The following TRIM2 variants were observed in gnomAD, a reference collection of about 807,000 sequenced individuals.
TRIM2 encodes the protein tripartite motif-containing protein 2.
A neutral mutation model predicts 75.2 loss-of-function variants in TRIM2; 20 were observed. The observed-to-expected ratio is 0.27, with a 90% CI of 0.19 to 0.39. TRIM2 has a LOEUF of 0.39. Among genes scored for constraint, TRIM2 ranks in the 10% least tolerant of loss-of-function variants. The probability of loss-of-function intolerance (pLI) is 1.00; values close to 1 mark genes in which losing one functional copy is unlikely to be tolerated. For missense variants in TRIM2, 660 were observed against 990.8 expected (o/e 0.67, Z 4.48); for synonymous variants, 373 against 388.3 (o/e 0.96, Z 0.46).
chr4:153,263,219 C>G (rs183706450), intron 1 of TRIM2, among the ~76,000 whole-genome samples: 1 of 152,148 alleles, frequency 6.6e-6, no homozygotes, highest in Admixed American at 6.5e-5. Context: ...GTCCCAGCTA[C>G]TTGGGAGGCT....
chr4:153,270,644 A>G (rs528004268), intron 2 of TRIM2, 125 bp downstream of exon 2: 1 of 825,596 alleles, frequency 1.2e-6, no homozygotes, highest in Non-Finnish European at 1.8e-6. Context: ...TGCTTCTGCC[A>G]GACATTGAAA....
intron 1 of TRIM2, among the ~76,000 whole-genome samples, chr4:153,249,182 G>A (rs1750122580): frequency 6.6e-6 from 1 of 152,264 alleles, no homozygotes; most frequent in African/African-American, 2.4e-5. Flanking sequence ...GGTTAGAAAA[G>A]GAAACCTAGA....
Position 153,314,377 on chromosome 4 carries a change from G to A in TRIM2, c.1511-1108G>A, listed in dbSNP as rs976429707. Among the ~76,000 whole-genome samples the A allele has an allele frequency of 1.1e-4, 14 of 125,238 alleles. No individual in the cohort carries two copies. In the East Asian group the frequency reaches 2.1e-3, roughly 19 times the overall value. The allele number at this position is 125,238 out of a possible 152,430, so 82.2% of individuals were successfully genotyped here. On this transcript the variant is annotated intron_variant, in intron 6 of 11. Coordinates refer to ENST00000338700, the MANE Select transcript of TRIM2 (RefSeq NM_015271.5). ...GGAGCTTGCAGTGAGCCGAGATCCC[G>A]CCACTGCACTCCAGCCTGGGCGACA...
intron 1 of TRIM2, among the ~76,000 whole-genome samples, chr4:153,260,202 C>A (rs1753045881): frequency 6.6e-6 from 1 of 152,078 alleles, no homozygotes; most frequent in African/African-American, 2.4e-5. Context: ...CCTTGCTGAC[C>A]TCTACCTTTT....
chr4:153,229,693 G>C (rs746938968), intron 1 of TRIM2, among the ~76,000 whole-genome samples: 1 of 152,206 alleles, frequency 6.6e-6, no homozygotes, highest in African/African-American at 2.4e-5. Flanking sequence ...GTAATAGAAG[G>C]AAGACAGATT....
chr4:153,260,700 CCACA>C (rs1185919053), intron 1 of TRIM2, among the ~76,000 whole-genome samples: 88 of 67,536 alleles, frequency 1.3e-3, no homozygotes, highest in African/African-American at 2.1e-3. Context: ...ACCCCCCCCC[CCACA>C]CACACACACA....
At chr4:153,154,747 A>C (rs1046944342) in intron 1 of TRIM2, among the ~76,000 whole-genome samples, 25 of 152,220 alleles carry the variant, frequency 1.6e-4, no homozygotes, top group African/African-American at 6.0e-4. Flanking sequence ...CCATATGGAC[A>C]CATATGGTCT....
intron 1 of TRIM2, chr4:153,157,178 A>G (rs1418380470): frequency 1.3e-5 from 2 of 152,248 alleles, no homozygotes; most frequent in Admixed American, 1.3e-4. Flanking sequence ...TGCACTGTAT[A>G]TAAATTAAAT....
In TRIM2 at chr4:153,339,076, C is replaced by T; in HGVS notation, c.*4110C>T. 1 of 984,998 alleles carries T rather than the reference C, an allele frequency of 1.0e-6. No individual in the cohort carries two copies. The allele number at this position is 984,998 out of a possible 1,614,324, so 61.0% of individuals were successfully genotyped here. Reference sequence around the variant, plus strand: ...TCTCTGACATTGATACTGATATATTCTCGTCATTTGTTCTTTTATGAATCA... The same window carrying T: ...TCTCTGACATTGATACTGATATATTTTCGTCATTTGTTCTTTTATGAATCA... On this transcript the variant is annotated 3_prime_UTR_variant, in exon 12 of 12. Transcript: ENST00000338700.
At chr4:153,182,341 C>T (rs1191057716) in intron 1 of TRIM2, among the ~76,000 whole-genome samples, 1 of 152,152 alleles carries the variant, frequency 6.6e-6, no homozygotes, top group Non-Finnish European at 1.5e-5. Flanking sequence ...TGTAATTGCC[C>T]ACAAATGGGA....
chr4:153,317,944 A>G (rs779858374), intron 8 of TRIM2, among the ~76,000 whole-genome samples: 2 of 152,242 alleles, frequency 1.3e-5, no homozygotes, highest in Non-Finnish European at 2.9e-5. Flanking sequence ...TAGGTGACAG[A>G]GTAAGACCCT....
intron 6 of TRIM2, among the ~76,000 whole-genome samples, chr4:153,311,893 C>T (rs1351963221): frequency 2.9e-5 from 2 of 69,192 alleles, no homozygotes; most frequent in Non-Finnish European, 6.3e-5. Context: ...AGTTTTTATT[C>T]TTTTATTTAT....
intron 1 of TRIM2, among the ~76,000 whole-genome samples, chr4:153,172,450 G>A (rs1254929142): frequency 6.6e-6 from 1 of 152,166 alleles, no homozygotes; most frequent in Non-Finnish European, 1.5e-5. Flanking sequence ...GCCTCCCAAA[G>A]TGCTGGGATT....
intron 10 of TRIM2, among the ~76,000 whole-genome samples, chr4:153,327,594 T>A (rs1173074555): frequency 6.6e-6 from 1 of 152,202 alleles, no homozygotes; most frequent in African/African-American, 2.4e-5. Flanking sequence ...TCAAAACCAT[T>A]AGGTATCATC....
chr4:153,230,596 A>AC (rs1294736362), intron 1 of TRIM2, among the ~76,000 whole-genome samples: 1 of 152,228 alleles, frequency 6.6e-6, no homozygotes, highest in Non-Finnish European at 1.5e-5. Flanking sequence ...CCACAGCTGG[A>AC]AATATGGGGA....
At chr4:153,222,459 C>CT (rs1740863818) in intron 1 of TRIM2, 1 of 152,288 alleles carries the variant, frequency 6.6e-6, no homozygotes, top group African/African-American at 2.4e-5. Context: ...TGGAGGCTGG[C>CT]TGCAGGAGCC....
intron 1 of TRIM2, among the ~76,000 whole-genome samples, chr4:153,219,493 C>A (rs180923737): frequency 6.6e-6 from 1 of 152,276 alleles, no homozygotes; most frequent in African/African-American, 2.4e-5. Context: ...TGCCCTGAAA[C>A]CCAGTTTCAG....
At chr4:153,246,045 ATTGAC>A (rs1749055105) in intron 1 of TRIM2, among the ~76,000 whole-genome samples, 1 of 152,198 alleles carries the variant, frequency 6.6e-6, no homozygotes, top group Non-Finnish European at 1.5e-5. Flanking sequence ...CGGATACTGT[ATTGAC>A]TCACAAGTCA....
rs1248764064 is a variant in TRIM2, at chr4:153,315,553, A to C, written c.1579A>C (p.Ile527Leu). The C allele has an allele frequency of 1.9e-6, 3 of 1,611,782 alleles. No homozygotes were observed. Among genetic ancestry groups the C allele is most frequent in the Non-Finnish European group, 2.5e-6 (3 of 1,179,488 alleles). Residue 527 changes from isoleucine (I) to leucine (L), a missense_variant, in exon 7 of 12, where the codon ATA (isoleucine) becomes CTA (leucine). Coordinates refer to ENST00000338700, the MANE Select transcript of TRIM2 (RefSeq NM_015271.5). ...GGTAGCTGCATCTACAAATGGAAAG[A>C]TATTAATTGCAGACAGTAACAACCA... is the stretch of plus-strand genomic sequence containing the variant. ...QGVAASTNGK[I>L]LIADSNNQCV...
Sources: gnomAD v4.1 joint callset for allele counts (sites outside exome capture counted in the v4.1 genomes callset) on GRCh38, gnomAD v4.1.1 for gene constraint, MANE v1.5 for transcripts, NCBI Gene and HGNC (gene_info 2026-07-23, HGNC 2026-07-21) for gene names.